SORCS2: variants seen among roughly 807,000 people sequenced by gnomAD.
SORCS2 encodes the protein VPS10 domain-containing receptor SorCS2.
SORCS2 carries 100 observed loss-of-function variants against 141.6 expected under a neutral mutation model. The observed-to-expected ratio is 0.71, with a 90% CI of 0.60 to 0.83. SORCS2 has a LOEUF of 0.83. Among genes scored for constraint, SORCS2 ranks in the 40% least tolerant of loss-of-function variants. SORCS2 has a pLI of 0.00. For missense variants in SORCS2, 1,646 were observed against 1,560.2 expected, an observed-to-expected ratio of 1.05 and a Z score of -0.93; for synonymous variants, 789 against 676.9, an observed-to-expected ratio of 1.17 and a Z score of -2.57.
chr4:7,226,986 C>T lies in SORCS2; in HGVS notation c.480+33860C>T, dbSNP rs143140789. 4.8e-3 allele frequency among the ~76,000 whole-genome samples: 735 copies of T among 152,358 alleles called. 10 individuals are homozygous for T. The highest frequency in any genetic ancestry group is 0.017 in the African/African-American group (720 of 41,578). ...AGTGGGGCCATCCCTGATGGTGCCACCGCGGTAGCAGCTGTGACCAGCACC... is the reference window on the plus strand; with the variant it reads ...AGTGGGGCCATCCCTGATGGTGCCATCGCGGTAGCAGCTGTGACCAGCACC... On this transcript the variant is annotated intron_variant, in intron 1 of 26. Transcript: ENST00000507866.
At chr4:7,576,065 A>G (rs1715730177) in intron 3 of SORCS2, among the ~76,000 whole-genome samples, 1 of 152,226 alleles carries the variant, frequency 6.6e-6, no homozygotes, top group Non-Finnish European at 1.5e-5. Flanking sequence ...CAACTGGTGC[A>G]CAGCTGTGTG....
chr4:7,728,522 C>T, intron 22 of SORCS2, 60 bp downstream of exon 22: 1 of 1,290,514 alleles, frequency 7.7e-7, no homozygotes, highest in Non-Finnish European at 1.1e-6. Flanking sequence ...TCCAGAGAAG[C>T]CCAAGGGCCC....
At chr4:7,204,149 C>T (rs1461012800) in intron 1 of SORCS2, among the ~76,000 whole-genome samples, 1 of 152,124 alleles carries the variant, frequency 6.6e-6, no homozygotes, top group Non-Finnish European at 1.5e-5. Flanking sequence ...TTTTTCAAAT[C>T]CCTGCTTTCA....
chr4:7,650,656 CAG>C (rs1288510468), intron 4 of SORCS2, among the ~76,000 whole-genome samples: 1 of 152,034 alleles, frequency 6.6e-6, no homozygotes, highest in African/African-American at 2.4e-5. Context: ...GAGGCCATGA[CAG>C]GGAGGCAGAC....
At chr4:7,633,739 C>T (rs912100688) in intron 3 of SORCS2, among the ~76,000 whole-genome samples, 2 of 152,176 alleles carry the variant, frequency 1.3e-5, no homozygotes, top group East Asian at 1.9e-4. Flanking sequence ...CCTTAGGAGT[C>T]GCAGACTGAG....
intron 3 of SORCS2, among the ~76,000 whole-genome samples, chr4:7,576,745 T>G (rs1412031205): frequency 6.6e-6 from 1 of 152,022 alleles, no homozygotes; most frequent in African/African-American, 2.4e-5. Flanking sequence ...GGTAGGGGGT[T>G]GAGAGTCTGT....
chr4:7,498,607 G>A (rs1171063909), intron 2 of SORCS2, among the ~76,000 whole-genome samples: 4 of 152,240 alleles, frequency 2.6e-5, no homozygotes, highest in African/African-American at 7.2e-5. Flanking sequence ...TCCTAGGGAC[G>A]CAGGGCCTGG....
At chr4:7,408,013 C>T (rs1725079713) in intron 2 of SORCS2, among the ~76,000 whole-genome samples, 1 of 152,008 alleles carries the variant, frequency 6.6e-6, no homozygotes, top group Non-Finnish European at 1.5e-5. Flanking sequence ...TTACGTATTT[C>T]TATATTACCT....
At position 7,661,470 on chromosome 4, in the gene SORCS2, C is replaced by G. The variant is rs1722161272; in HGVS notation, c.888-30C>G. On this transcript the variant is annotated intron_variant, in intron 5 of 26. Coordinates refer to ENST00000507866, the MANE Select transcript of SORCS2 (RefSeq NM_020777.3). ...GGGGACGGGCATGGTGACTCCATTC[C>G]CGACCCCAGCCTCAGCTCTTCTTTT... 4 of 1,551,020 alleles carry G rather than the reference C, an allele frequency of 2.6e-6. No homozygotes were observed. In the Admixed American group the frequency reaches 5.9e-5, roughly 23 times the overall value.
chr4:7,467,885 G>C (rs1206513971), intron 2 of SORCS2, among the ~76,000 whole-genome samples: 2 of 152,234 alleles, frequency 1.3e-5, no homozygotes, highest in African/African-American at 4.8e-5. Context: ...TGTGTCCCTG[G>C]GAGGCTCAAG....
At chr4:7,384,395 G>T (rs1252919983) in intron 1 of SORCS2, among the ~76,000 whole-genome samples, 4 of 152,158 alleles carry the variant, frequency 2.6e-5, no homozygotes. Flanking sequence ...AGGTTTTCTG[G>T]TCCAGGCATC....
intron 1 of SORCS2, among the ~76,000 whole-genome samples, chr4:7,371,843 C>T (rs755732253): frequency 7.9e-5 from 12 of 152,190 alleles, no homozygotes; most frequent in African/African-American, 2.2e-4. Context: ...GATTTCACTT[C>T]GAGCCTTGGT....
intron 1 of SORCS2, among the ~76,000 whole-genome samples, chr4:7,327,138 C>A (rs147016423): frequency 7.9e-5 from 12 of 152,212 alleles, no homozygotes; most frequent in Admixed American, 1.3e-4. Context: ...CTGCAGCTGC[C>A]GCCGCAACGT....
intron 1 of SORCS2, among the ~76,000 whole-genome samples, chr4:7,371,980 A>G (rs1343796635): frequency 6.6e-6 from 1 of 152,174 alleles, no homozygotes; most frequent in African/African-American, 2.4e-5. Flanking sequence ...GAAGATGCCT[A>G]TCCTGGCAGC....
At chr4:7,671,211 G>A (rs754681124) in intron 8 of SORCS2, among the ~76,000 whole-genome samples, 8 of 152,190 alleles carry the variant, frequency 5.3e-5, no homozygotes, top group African/African-American at 9.6e-5. Flanking sequence ...ATGGAAAGGG[G>A]ACAAGCTAAT....
In SORCS2 at chr4:7,741,328, A is replaced by G. The variant is rs950301021; in HGVS notation, c.*1064A>G. 1.0e-5 allele frequency: 4 copies of G among 398,810 alleles called. No homozygotes were observed. The highest frequency in any genetic ancestry group is 6.2e-5 in the African/African-American group (3 of 48,616). The allele number at this position is 398,810 out of a possible 1,614,324, so 24.7% of individuals were successfully genotyped here. A position where few individuals can be genotyped will look rare whatever the true frequency, so the allele number is the denominator to read the frequency against. ...AGGGAGGAGAGTAACTGAAGGTCAC[A>G]GCACGGTCACAGCAGAGGTGGCCGA... On this transcript the variant is annotated 3_prime_UTR_variant, in exon 27 of 27. Coordinates refer to ENST00000507866, the MANE Select transcript of SORCS2 (RefSeq NM_020777.3).
At chr4:7,658,419 G>A (rs11737898) in intron 5 of SORCS2, among the ~76,000 whole-genome samples, 101,278 of 152,004 alleles carry the variant, frequency 0.67, 35,555 homozygotes, top group Non-Finnish European at 0.79. Flanking sequence ...CTAAAATTCT[G>A]TATTGCTGGT....
At chr4:7,496,766 C>T (rs73212580) in intron 2 of SORCS2, among the ~76,000 whole-genome samples, 1,847 of 152,156 alleles carry the variant, frequency 0.012, 15 homozygotes, top group Middle Eastern at 0.02. Flanking sequence ...GAATCCAAGG[C>T]GCCTTCACCA....
chr4:7,494,792 T>A (rs199597538), intron 2 of SORCS2, among the ~76,000 whole-genome samples: 2 of 148,498 alleles, frequency 1.3e-5, no homozygotes, highest in South Asian at 2.1e-4. Context: ...TGGTTGGCGG[T>A]AAGGGGTGTC....
Sources: gnomAD v4.1 joint callset for allele counts (sites outside exome capture counted in the v4.1 genomes callset) on GRCh38, gnomAD v4.1.1 for gene constraint, MANE v1.5 for transcripts, NCBI Gene and HGNC (gene_info 2026-07-23, HGNC 2026-07-21) for gene names.